Variants in SNX6 observed in about 807,000 individuals in gnomAD.
SNX6 encodes sorting nexin-6.
A neutral mutation model predicts 63.0 loss-of-function variants in SNX6; 34 were observed. The ratio of observed to expected loss-of-function variants is 0.54; its 90% CI spans 0.41 to 0.72. The LOEUF is 0.72. Among genes scored for constraint, SNX6 ranks in the 30% least tolerant of loss-of-function variants. The pLI is 0.00. For synonymous variants in SNX6, 170 were observed against 164.2 expected (o/e 1.04, Z -0.27); for missense variants, 398 against 471.4 (o/e 0.84, Z 1.44).
chr14:34,571,118 A>G (rs772447357), intron 11 of SNX6, among the ~76,000 whole-genome samples: 6 of 152,020 alleles, frequency 3.9e-5, no homozygotes, highest in Non-Finnish European at 8.8e-5. Context: ...ACTAAGAAGA[A>G]ATGAGCTATC....
intron 2 of SNX6, among the ~76,000 whole-genome samples, chr14:34,627,376 G>A (rs1226626463): frequency 6.6e-6 from 1 of 152,220 alleles, no homozygotes; most frequent in Non-Finnish European, 1.5e-5. Flanking sequence ...GAATCCGGGA[G>A]GCGGAGCTTG....
chr14:34,622,250 C>T (rs1184280446), intron 2 of SNX6, among the ~76,000 whole-genome samples: 3 of 148,298 alleles, frequency 2.0e-5, no homozygotes, highest in African/African-American at 7.5e-5. Context: ...GCATGAGCCA[C>T]TGCACCCGGC....
At chr14:34,616,003 T>C (rs1243103276) in intron 2 of SNX6, among the ~76,000 whole-genome samples, 1 of 152,248 alleles carries the variant, frequency 6.6e-6, no homozygotes, top group Non-Finnish European at 1.5e-5. Context: ...GTCACCAGGC[T>C]GGAGTGCAGT....
At chr14:34,568,099 C>A (rs1469418002) in intron 11 of SNX6, 86 bp from the exon 12 acceptor site, 10 of 1,149,192 alleles carry the variant, frequency 8.7e-6, no homozygotes, top group South Asian at 1.4e-5. Flanking sequence ...ACCACCACAA[C>A]CATCAGAGCT....
intron 2 of SNX6, among the ~76,000 whole-genome samples, chr14:34,626,482 G>A (rs149194884): frequency 0.018 from 2,651 of 147,956 alleles, 72 homozygotes; most frequent in African/African-American, 0.062. Flanking sequence ...GTGAAACCCC[G>A]CCTCTACTAA....
chr14:34,579,629 C>A (rs1881856898), intron 10 of SNX6, among the ~76,000 whole-genome samples: 1 of 151,918 alleles, frequency 6.6e-6, no homozygotes, highest in Admixed American at 6.6e-5. Flanking sequence ...AATAAAGGAA[C>A]TACATCTATG....
intron 5 of SNX6, among the ~76,000 whole-genome samples, chr14:34,605,202 G>A (rs1414951635): frequency 6.6e-6 from 1 of 151,714 alleles, no homozygotes; most frequent in Non-Finnish European, 1.5e-5. Flanking sequence ...AACTAGGTTG[G>A]TAGTGACTAA....
chr14:34,621,975 T>TTTTTTA (rs1883637843), intron 2 of SNX6, among the ~76,000 whole-genome samples: 1 of 143,698 alleles, frequency 7.0e-6, no homozygotes, highest in African/African-American at 2.6e-5. Context: ...TTTTTTTTTT[T>TTTTTTA]GAGATGGAGT....
Position 34,629,971 on chromosome 14 carries a change from C to A in SNX6, c.7-17G>T. On this transcript the variant is annotated splice_polypyrimidine_tract_variant and intron_variant, in intron 1 of 13. Transcript: ENST00000362031. ...CAGGCCTTCCTGTGGGGTCGGCGGG[C>A]ACGGCGCGCCGGGGAAAAGGATGAG... 1 of 1,532,248 alleles carries A rather than the reference C, an allele frequency of 6.5e-7. No individual in the cohort carries two copies. Among genetic ancestry groups the A allele is most frequent in the South Asian group, 1.2e-5 (1 of 81,634 alleles). 94.9% of individuals were successfully genotyped at this position (1,532,248 alleles called of 1,614,324 possible). A position where few individuals can be genotyped will look rare whatever the true frequency, so the allele number is the denominator to read the frequency against.
chr14:34,595,974 C>T (rs1181015384), intron 7 of SNX6, among the ~76,000 whole-genome samples: 6 of 152,144 alleles, frequency 3.9e-5, no homozygotes, highest in Non-Finnish European at 8.8e-5. Flanking sequence ...AATCCCAGCA[C>T]TTTGGGAGGC....
chr14:34,604,115 G>C (rs972511746), intron 5 of SNX6: 72 of 1,233,030 alleles, frequency 5.8e-5, no homozygotes, highest in Non-Finnish European at 7.0e-5. Flanking sequence ...CTACGTGCAA[G>C]AAGGATAAGT....
In SNX6 at chr14:34,593,040, CT is replaced by C; in HGVS notation, c.718+4del. ...ATATAAGCTTTAGCCACAGAAAAAT[CT>C]TACTTTTGTGGGATCTTGTCATTCT... On this transcript the variant is annotated splice_donor_region_variant and intron_variant, in intron 8 of 13. Coordinates refer to ENST00000362031, the MANE Select transcript of SNX6 (RefSeq NM_152233.4). The C allele has an allele frequency of 6.4e-7, 1 of 1,564,552 alleles. No individual in the cohort carries two copies. The highest frequency in any genetic ancestry group is 8.7e-7 in the Non-Finnish European group (1 of 1,146,558).
chr14:34,626,935 GT>G (rs1474739875), intron 2 of SNX6, among the ~76,000 whole-genome samples: 6 of 152,118 alleles, frequency 3.9e-5, no homozygotes, highest in Non-Finnish European at 7.3e-5. Context: ...AGAATAATTA[GT>G]TTAATTGTGC....
chr14:34,573,417 A>C (rs1314925542), intron 11 of SNX6, among the ~76,000 whole-genome samples: 1 of 152,058 alleles, frequency 6.6e-6, no homozygotes, highest in Non-Finnish European at 1.5e-5. Flanking sequence ...TCTACTAAAA[A>C]TACAAAAATT....
intron 6 of SNX6, among the ~76,000 whole-genome samples, chr14:34,602,656 T>C (rs575773828): frequency 2.8e-4 from 43 of 151,580 alleles, no homozygotes; most frequent in African/African-American, 1.0e-3. Flanking sequence ...TTCTAACTAC[T>C]CTTGCCTTTT....
At position 34,615,385 on chromosome 14, in the gene SNX6, C is replaced by T. The variant is rs145971575; in HGVS notation, c.55-5643G>A. On this transcript the variant is annotated intron_variant, in intron 2 of 13. Coordinates refer to ENST00000362031, the MANE Select transcript of SNX6 (RefSeq NM_152233.4). ...CACAGGTGTACACCACCACATCTGG[C>T]TAATTATTATTATTTTTTAAGAGAT... Among the ~76,000 whole-genome samples the T allele has an allele frequency of 2.1e-4, 32 of 152,230 alleles. No individual in the cohort carries two copies. The East Asian group carries it at 6.0e-3, about 28-fold the overall frequency.
At chr14:34,626,065 G>A (rs1016280037) in intron 2 of SNX6, among the ~76,000 whole-genome samples, 1 of 151,966 alleles carries the variant, frequency 6.6e-6, no homozygotes, top group African/African-American at 2.4e-5. Flanking sequence ...TAGAAAAAGG[G>A]GGATACTAAA....
chr14:34,567,054 T>C (rs886366512), intron 13 of SNX6, among the ~76,000 whole-genome samples: 1 of 150,622 alleles, frequency 6.6e-6, no homozygotes, highest in Non-Finnish European at 1.5e-5. Context: ...GAAAACCCTG[T>C]CTCTACTAAA....
chr14:34,581,921 C>A (rs533244503), intron 9 of SNX6, among the ~76,000 whole-genome samples: 2 of 152,016 alleles, frequency 1.3e-5, no homozygotes, highest in African/African-American at 4.8e-5. Context: ...CTCTGCCTCC[C>A]GAGTTCAAGC....
Sources: gnomAD v4.1 joint callset for allele counts (sites outside exome capture counted in the v4.1 genomes callset) on GRCh38, gnomAD v4.1.1 for gene constraint, MANE v1.5 for transcripts, NCBI Gene and HGNC (gene_info 2026-07-23, HGNC 2026-07-21) for gene names.